The following CD200R1L variants were observed in gnomAD, a reference collection of about 807,000 sequenced individuals.
The protein encoded by CD200R1L is cell surface glycoprotein CD200 receptor 2.
In CD200R1L, 14 loss-of-function variants were observed where a neutral mutation model predicts 24.8. The observed-to-expected ratio is 0.56, with a 90% CI of 0.37 to 0.88. CD200R1L has a LOEUF of 0.88. CD200R1L is among the 40% of genes least tolerant of loss of function. The pLI is 0.00. For missense variants in CD200R1L, 299 were observed against 297.8 expected (o/e 1.00, Z -0.03); for synonymous variants, 111 against 109.2 (o/e 1.02, Z -0.11).
chr3:112,824,548 A>C (rs952069986), intron 6 of CD200R1L, among the ~76,000 whole-genome samples: 2 of 152,212 alleles, frequency 1.3e-5, no homozygotes, highest in Non-Finnish European at 2.9e-5. Context: ...GTAGAATAAG[A>C]AGATGGACAA....
At chr3:112,841,275 G>A (rs1161934279) in intron 2 of CD200R1L, 7 of 451,526 alleles carry the variant, frequency 1.6e-5, no homozygotes, top group Non-Finnish European at 3.1e-5. Flanking sequence ...AGACATGCTT[G>A]CTTCCCCTTC....
At chr3:112,832,334 C>T (rs932680712) in intron 3 of CD200R1L, among the ~76,000 whole-genome samples, 3 of 152,150 alleles carry the variant, frequency 2.0e-5, no homozygotes, top group African/African-American at 4.8e-5. Flanking sequence ...AGTCCACAGA[C>T]TTATACAGTG....
chr3:112,832,456 C>T (rs557501784), intron 3 of CD200R1L, among the ~76,000 whole-genome samples: 5 of 151,990 alleles, frequency 3.3e-5, no homozygotes, highest in African/African-American at 1.2e-4. Context: ...TAGGAAAGAC[C>T]AAGATAAATC....
intron 2 of CD200R1L, 70 bp downstream of exon 2, chr3:112,845,609 C>A: frequency 2.4e-6 from 3 of 1,224,632 alleles, no homozygotes; most frequent in South Asian, 2.5e-5. Context: ...GTAAGTAGAT[C>A]AAGAGTATCC....
intron 7 of CD200R1L, among the ~76,000 whole-genome samples, chr3:112,819,380 G>A (rs1318440284): frequency 6.6e-6 from 1 of 152,044 alleles, no homozygotes; most frequent in South Asian, 2.1e-4. Flanking sequence ...CAGCTCTTTC[G>A]ATTTTCATTC....
intron 2 of CD200R1L, among the ~76,000 whole-genome samples, chr3:112,844,852 A>G (rs2107357550): frequency 6.6e-6 from 1 of 152,288 alleles, no homozygotes; most frequent in Non-Finnish European, 1.5e-5. Flanking sequence ...TGAACCCAGG[A>G]GGCAGAGGTT....
intron 6 of CD200R1L, among the ~76,000 whole-genome samples, chr3:112,821,942 A>T: frequency 6.6e-6 from 1 of 152,326 alleles, no homozygotes; most frequent in East Asian, 1.9e-4. Flanking sequence ...TAAAGAACTA[A>T]TTTGAGAAAA....
intron 2 of CD200R1L, among the ~76,000 whole-genome samples, chr3:112,842,126 C>T (rs1251866564): frequency 6.6e-6 from 1 of 152,182 alleles, no homozygotes. Flanking sequence ...TGGGCCTGCT[C>T]CTGGGACCAA....
intron 3 of CD200R1L, among the ~76,000 whole-genome samples, chr3:112,836,146 A>T (rs1938937805): frequency 6.6e-6 from 1 of 152,200 alleles, no homozygotes; most frequent in Non-Finnish European, 1.5e-5. Context: ...AGTGCCTGGT[A>T]GTGGGTCCTG....
chr3:112,827,305 A>G (rs1938685493), intron 5 of CD200R1L, 62 bp downstream of exon 5: 1 of 1,588,666 alleles, frequency 6.3e-7, no homozygotes, highest in East Asian at 2.2e-5. Context: ...GAATTCAGAG[A>G]GACATTTGTT....
intron 7 of CD200R1L, among the ~76,000 whole-genome samples, chr3:112,819,331 G>GCTT (rs1169563151): frequency 1.3e-5 from 2 of 152,114 alleles, no homozygotes; most frequent in African/African-American, 2.4e-5. Context: ...GCAAATGGCT[G>GCTT]CTTTTTTTGT....
At position 112,827,258 on chromosome 3, in the gene CD200R1L, G is replaced by C. The variant is rs1217660562; in HGVS notation, c.368-17C>G. 6.3e-6 allele frequency: 10 copies of C among 1,594,424 alleles called. No homozygotes were observed. The highest frequency in any genetic ancestry group is 6.8e-6 in the Non-Finnish European group (8 of 1,170,838). ...CGGGTGTAACTGCAGAGAGGAAAGA[G>C]GGAAAAAAATGCTTCAGTTTTCACA... On this transcript the variant is annotated splice_polypyrimidine_tract_variant and intron_variant, in intron 5 of 7. Coordinates refer to ENST00000488794, the MANE Select transcript of CD200R1L (RefSeq NM_001199215.3).
chr3:112,816,937 C>T (rs1938409709), intron 7 of CD200R1L, among the ~76,000 whole-genome samples: 1 of 152,132 alleles, frequency 6.6e-6, no homozygotes, highest in African/African-American at 2.4e-5. Context: ...TTTACTCCTC[C>T]TTGCCTTACA....
chr3:112,835,595 C>T (rs1055654385), intron 3 of CD200R1L, among the ~76,000 whole-genome samples: 1 of 152,240 alleles, frequency 6.6e-6, no homozygotes, highest in Admixed American at 6.5e-5. Context: ...CAGGCCTTCC[C>T]AGCTTGAAGG....
intron 2 of CD200R1L, among the ~76,000 whole-genome samples, chr3:112,840,878 A>G (rs1424877782): frequency 6.6e-6 from 1 of 152,132 alleles, no homozygotes; most frequent in Non-Finnish European, 1.5e-5. Context: ...AATAAATTAT[A>G]TACATATTTT....
At chr3:112,834,597 C>A (rs1262789515) in intron 3 of CD200R1L, among the ~76,000 whole-genome samples, 1 of 152,182 alleles carries the variant, frequency 6.6e-6, no homozygotes, top group Non-Finnish European at 1.5e-5. Context: ...GTCACTTTGC[C>A]AGCTGGAAAC....
At chr3:112,829,187 C>T in intron 4 of CD200R1L, 132 bp downstream of exon 4, 2 of 658,740 alleles carry the variant, frequency 3.0e-6, no homozygotes, top group Non-Finnish European at 2.7e-6. Flanking sequence ...GTCCTTCGTA[C>T]CACAGCACTC....
intron 2 of CD200R1L, among the ~76,000 whole-genome samples, chr3:112,845,188 G>A (rs1939173302): frequency 6.6e-6 from 1 of 152,072 alleles, no homozygotes; most frequent in Non-Finnish European, 1.5e-5. Flanking sequence ...ACTACAATCA[G>A]ATATTACACA....
At chr3:112,828,871 T>C (rs181346892) in intron 4 of CD200R1L, among the ~76,000 whole-genome samples, 20 of 152,308 alleles carry the variant, frequency 1.3e-4, no homozygotes, top group Admixed American at 1.2e-3. Context: ...CTCATCACTA[T>C]AGCATAAGCA....
Sources: allele counts gnomAD v4.1 joint callset (sites outside exome capture counted in the v4.1 genomes callset), GRCh38; gene constraint gnomAD v4.1.1; transcripts MANE v1.5; gene names NCBI Gene and HGNC (gene_info 2026-07-23, HGNC 2026-07-21).